Variants in ADCY1 observed in about 807,000 individuals in gnomAD.
ADCY1 encodes adenylate cyclase 1.
Under a neutral mutation model 105.4 loss-of-function variants are expected in ADCY1, and 28 were observed. That is an observed-to-expected ratio of 0.27 (90% CI 0.20 to 0.36). The LOEUF (loss-of-function observed/expected upper bound fraction) is 0.36, where lower values mean the gene tolerates loss of function less well. Ranked by LOEUF, ADCY1 falls within the 10% of genes least tolerant of loss-of-function variation. ADCY1 has a pLI of 1.00. For synonymous variants in ADCY1, 655 were observed against 623.8 expected (o/e 1.05, Z -0.75); for missense variants, 977 against 1,434.2 (o/e 0.68, Z 5.15).
intron 3 of ADCY1, among the ~76,000 whole-genome samples, chr7:45,613,682 A>G (rs1485246280): frequency 6.6e-6 from 1 of 152,210 alleles, no homozygotes; most frequent in Non-Finnish European, 1.5e-5. Context: ...GATGACACCA[A>G]ATAAGATGAA....
intron 8 of ADCY1, among the ~76,000 whole-genome samples, chr7:45,663,169 C>A (rs189045502): frequency 6.6e-6 from 1 of 152,326 alleles, no homozygotes; most frequent in Non-Finnish European, 1.5e-5. Context: ...GCGTCCAGGC[C>A]TGTTACCACT....
At chr7:45,598,825 A>G (rs1212101731) in intron 2 of ADCY1, among the ~76,000 whole-genome samples, 1 of 152,236 alleles carries the variant, frequency 6.6e-6, no homozygotes, top group African/African-American at 2.4e-5. Context: ...CTCTGAGCCT[A>G]GGTCGAGCTG....
chr7:45,593,537 C>G (rs1386321527), intron 2 of ADCY1, among the ~76,000 whole-genome samples: 1 of 152,224 alleles, frequency 6.6e-6, no homozygotes, highest in Non-Finnish European at 1.5e-5. Flanking sequence ...TGCTCTCTGT[C>G]TGCTGCGCGG....
chr7:45,716,026 A>T lies in ADCY1; in HGVS notation c.*2031A>T, dbSNP rs1226959049. On this transcript the variant is annotated 3_prime_UTR_variant, in exon 20 of 20. Transcript: ENST00000297323. ...TAGGCTGACCCCATGGACCCACTGG[A>T]GACTTTGAGGGCAGAGCTCGGGCAC... 1.3e-5 allele frequency: 2 copies of T among 152,498 alleles called. No individual in the cohort carries two copies. Among genetic ancestry groups the T allele is most frequent in the Non-Finnish European group, 2.9e-5 (2 of 68,392 alleles). 9.4% of individuals were successfully genotyped at this position (152,498 alleles called of 1,614,324 possible).
At chr7:45,582,934 C>G (rs1012110342) in intron 1 of ADCY1, among the ~76,000 whole-genome samples, 3 of 152,328 alleles carry the variant, frequency 2.0e-5, no homozygotes, top group Admixed American at 6.5e-5. Context: ...GGAACAATCC[C>G]ATCTCCCTGG....
chr7:45,626,982 G>A (rs1430022199), intron 4 of ADCY1, among the ~76,000 whole-genome samples: 2 of 152,162 alleles, frequency 1.3e-5, no homozygotes, highest in Non-Finnish European at 2.9e-5. Context: ...GCAGATGCAG[G>A]CACAAGGGGC....
chr7:45,711,607 G>GTGTATATATATA (rs1422085646), intron 19 of ADCY1, among the ~76,000 whole-genome samples: 1 of 70,820 alleles, frequency 1.4e-5, no homozygotes, highest in Admixed American at 1.8e-4. Flanking sequence ...ACTTCGTGCT[G>GTGTATATATATA]TATATATATA....
intron 8 of ADCY1, chr7:45,664,242 G>T: frequency 6.6e-7 from 1 of 1,517,274 alleles, no homozygotes; most frequent in South Asian, 1.2e-5. Flanking sequence ...ATTTGGTCAA[G>T]CAGAGAAGCT....
intron 3 of ADCY1, among the ~76,000 whole-genome samples, chr7:45,617,214 C>T (rs1156492995): frequency 6.6e-6 from 1 of 152,222 alleles, no homozygotes; most frequent in Non-Finnish European, 1.5e-5. Flanking sequence ...TGGAGCAAAG[C>T]AGGGGTGGGC....
chr7:45,592,722 G>A (rs1306821791), intron 1 of ADCY1, 37 bp from the exon 2 acceptor site: 2 of 1,613,024 alleles, frequency 1.2e-6, no homozygotes, highest in Non-Finnish European at 1.7e-6. Flanking sequence ...TGTGTGGGAT[G>A]TCAGGCTCCA....
At chr7:45,577,931 C>A (rs1245398685) in intron 1 of ADCY1, among the ~76,000 whole-genome samples, 1 of 152,218 alleles carries the variant, frequency 6.6e-6, no homozygotes, top group Admixed American at 6.5e-5. Flanking sequence ...TTTCTGAGGC[C>A]TGGGTTCAAG....
chr7:45,709,904 G>A (rs1443501802), intron 18 of ADCY1, among the ~76,000 whole-genome samples: 1 of 152,190 alleles, frequency 6.6e-6, no homozygotes, highest in Non-Finnish European at 1.5e-5. Context: ...TGCACAAGGG[G>A]TGACTCAAGT....
At chr7:45,623,589 C>A (rs1263782315) in intron 4 of ADCY1, among the ~76,000 whole-genome samples, 1 of 152,214 alleles carries the variant, frequency 6.6e-6, no homozygotes, top group African/African-American at 2.4e-5. Flanking sequence ...GATATCCTAC[C>A]CCTCGTTTTC....
At chr7:45,695,050 T>A (rs1443624027) in intron 14 of ADCY1, among the ~76,000 whole-genome samples, 1 of 152,210 alleles carries the variant, frequency 6.6e-6, no homozygotes, top group Non-Finnish European at 1.5e-5. Context: ...CCCTCTAGCC[T>A]TGTCAAATCT....
chr7:45,589,329 GC>G (rs1461532395), intron 1 of ADCY1, among the ~76,000 whole-genome samples: 1 of 152,164 alleles, frequency 6.6e-6, no homozygotes, highest in Non-Finnish European at 1.5e-5. Context: ...GATGGCCCGG[GC>G]CGGGCCGGGG....
chr7:45,601,220 G>T (rs1793223877), intron 2 of ADCY1, among the ~76,000 whole-genome samples: 1 of 152,108 alleles, frequency 6.6e-6, no homozygotes, highest in Admixed American at 6.5e-5. Flanking sequence ...TGGGGGGACG[G>T]TCCCTTCCTG....
intron 8 of ADCY1, chr7:45,664,725 C>T (rs1795224616): frequency 4.9e-6 from 1 of 202,838 alleles, no homozygotes; most frequent in South Asian, 1.2e-4. Context: ...ATATCATAAA[C>T]ATTTCCTTCC....
intron 8 of ADCY1, among the ~76,000 whole-genome samples, chr7:45,666,470 A>AT (rs1784257781): frequency 6.6e-6 from 1 of 152,042 alleles, no homozygotes; most frequent in Admixed American, 6.6e-5. Context: ...TGAATTCATC[A>AT]TTTTTTATGG....
At chr7:45,687,461 C>T (rs114935893) in intron 14 of ADCY1, among the ~76,000 whole-genome samples, 93 of 152,312 alleles carry the variant, frequency 6.1e-4, no homozygotes, top group Admixed American at 3.4e-3. Flanking sequence ...CACAGCCCTC[C>T]GGGAGGTGAG....
Sources: allele counts gnomAD v4.1 joint callset (sites outside exome capture counted in the v4.1 genomes callset), GRCh38; gene constraint gnomAD v4.1.1; transcripts MANE v1.5; gene names NCBI Gene and HGNC (gene_info 2026-07-23, HGNC 2026-07-21).